Variants in CACNA1H observed in about 807,000 individuals in gnomAD.
The protein encoded by CACNA1H is voltage-dependent T-type calcium channel subunit alpha-1H.
Under a neutral mutation model 192.5 loss-of-function variants are expected in CACNA1H, and 149 were observed. The observed-to-expected ratio is 0.77, with a 90% CI of 0.68 to 0.89. The LOEUF is 0.89. CACNA1H is among the 40% of genes least tolerant of loss of function. The pLI, the probability that CACNA1H is intolerant of heterozygous loss-of-function variation, is 0.00. For synonymous variants in CACNA1H, 2,202 were observed against 1,475.2 expected (o/e 1.49, Z -11.29); for missense variants, 4,257 against 3,423.5 (o/e 1.24, Z -6.08).
chr16:1,204,216 G>T lies in CACNA1H; in HGVS notation c.2209G>T (p.Gly737Cys), dbSNP rs367610523. Residue 737 changes from glycine (G) to cysteine (C), a missense_variant, in exon 10 of 35, where the codon GGT (glycine) becomes TGT (cysteine). Coordinates refer to ENST00000348261, the MANE Select transcript of CACNA1H (RefSeq NM_021098.3). ...VYEFTQDVRH[G>C]DRWDPTRPPR... ...TGAATTCACGCAGGACGTCCGGCAC[G>T]GTGACCGCTGGGACCCCACGCGACC... The T allele has an allele frequency of 6.2e-7, 1 of 1,611,754 alleles. No individual in the cohort carries two copies. Among genetic ancestry groups the T allele is most frequent in the Non-Finnish European group, 8.5e-7 (1 of 1,179,412 alleles).
At chr16:1,213,480 TGAG>T (rs773033319) in intron 26 of CACNA1H, among the ~76,000 whole-genome samples, 4 of 152,040 alleles carry the variant, frequency 2.6e-5, no homozygotes, top group South Asian at 2.1e-4. Flanking sequence ...ACCGCGTTGC[TGAG>T]GAGGAGGTTA....
chr16:1,171,091 C>G (rs1964321643), intron 2 of CACNA1H, among the ~76,000 whole-genome samples: 1 of 152,184 alleles, frequency 6.6e-6, no homozygotes, highest in South Asian at 2.1e-4. Flanking sequence ...ACTCCACGGC[C>G]AGGCCTTTGT....
intron 2 of CACNA1H, among the ~76,000 whole-genome samples, chr16:1,191,300 T>G (rs62012322): frequency 0.14 from 7,268 of 51,072 alleles, 14 homozygotes; most frequent in Admixed American, 0.16. Flanking sequence ...GGGTCTCTCT[T>G]ACTCAGCAGG....
At position 1,198,596 on chromosome 16, in the gene CACNA1H, C is replaced by T. The variant is rs759883094; in HGVS notation, c.644-19C>T. 6.2e-6 allele frequency: 10 copies of T among 1,611,222 alleles called. No homozygotes were observed. In the African/African-American group the frequency reaches 6.7e-5, roughly 11 times the overall value. ...CCTGCAGGGCTTAGCAGTGCCAATC[C>T]TGGCCCTGCTGCCCACAGGCATGCG... On this transcript the variant is annotated intron_variant, in intron 5 of 34. Transcript: ENST00000348261.
Position 1,206,317 on chromosome 16 carries a change from C to T in CACNA1H, c.2789+28C>T, listed in dbSNP as rs1490920330. 3.9e-6 allele frequency: 6 copies of T among 1,544,114 alleles called. No individual in the cohort carries two copies. The African/African-American group carries it at 6.9e-5, about 18-fold the overall frequency. On this transcript the variant is annotated intron_variant, in intron 12 of 34. Transcript: ENST00000348261. ...GGGCGCAACCCCCCTCCCGGCCCGCCCAGTGTCTCACCCCAGGGCAGCTGG... is the reference window on the plus strand; with the variant it reads ...GGGCGCAACCCCCCTCCCGGCCCGCTCAGTGTCTCACCCCAGGGCAGCTGG...
At chr16:1,215,141 G>A (rs377763884) in intron 28 of CACNA1H, 60 bp downstream of exon 28, 43 of 1,582,982 alleles carry the variant, frequency 2.7e-5, no homozygotes, top group South Asian at 1.7e-4. Context: ...GGGGCTGGGG[G>A]CAGGTGAGGC....
At chr16:1,192,548 A>G (rs904538841) in intron 2 of CACNA1H, among the ~76,000 whole-genome samples, 3 of 152,228 alleles carry the variant, frequency 2.0e-5, no homozygotes, top group African/African-American at 7.2e-5. Flanking sequence ...CCTCAGTGCC[A>G]GGAAGGCCAT....
chr16:1,204,029 C>T lies in CACNA1H; in HGVS notation c.2022C>T (p.Gly674=), dbSNP rs770538647. ...CCGCAGGACTGGGCCAGGCCCCTGG[C>T]CATCTGTCGGGCCTCAGTGTGCCCT... ...VGEHGLGQAP[G]HLSGLSVPCP... is the part of the protein sequence containing the mutation. The change falls in exon 10 of 35, where the codon GGC becomes GGT. Residue 674 remains glycine, a synonymous_variant. Coordinates refer to ENST00000348261, the MANE Select transcript of CACNA1H (RefSeq NM_021098.3). 1.3e-5 allele frequency: 21 copies of T among 1,561,254 alleles called. No homozygotes were observed. Among genetic ancestry groups the T allele is most frequent in the Admixed American group, 7.5e-5 (4 of 53,622 alleles).
chr16:1,202,359 G>C lies in CACNA1H; in HGVS notation c.1909G>C (p.Ala637Pro), dbSNP rs377633990. 3.2e-6 allele frequency: 5 copies of C among 1,564,940 alleles called. No individual in the cohort carries two copies. In the African/African-American group the frequency reaches 6.8e-5, roughly 21 times the overall value. Residue 637 changes from alanine to proline, a missense_variant, in exon 9 of 35, where the codon GCC becomes CCC. Coordinates refer to ENST00000348261, the MANE Select transcript of CACNA1H (RefSeq NM_021098.3). Reference sequence around the variant, plus strand: ...CAGCCCCGGACCCAAGGGGAAGTGGGCCGGTGGACCGCCAGGCACCGGGGG... The same window carrying C: ...CAGCCCCGGACCCAAGGGGAAGTGGCCCGGTGGACCGCCAGGCACCGGGGG... ...STSPGPKGKW[A>P]GGPPGTGGHG...
chr16:1,203,560 G>T (rs1455618936), intron 9 of CACNA1H, among the ~76,000 whole-genome samples: 1 of 152,246 alleles, frequency 6.6e-6, no homozygotes, highest in African/African-American at 2.4e-5. Context: ...CTGTACCCAC[G>T]AACTAGTGGG....
chr16:1,161,494 G>A (rs1054689973), intron 2 of CACNA1H, among the ~76,000 whole-genome samples: 1 of 152,148 alleles, frequency 6.6e-6, no homozygotes, highest in Admixed American at 6.5e-5. Flanking sequence ...GTCTTTAGTA[G>A]CCCCAGATGT....
Position 1,213,049 on chromosome 16 carries a change from G to A in CACNA1H, c.4777+521G>A, listed in dbSNP as rs529557591. Among the ~76,000 whole-genome samples, 111 of 152,338 alleles carry A rather than the reference G, an allele frequency of 7.3e-4. 1 individual carries two copies. The highest frequency in any genetic ancestry group is 2.4e-3 in the African/African-American group (99 of 41,580). On this transcript the variant is annotated intron_variant, in intron 26 of 34. Coordinates refer to ENST00000348261, the MANE Select transcript of CACNA1H (RefSeq NM_021098.3). ...CCTTCACCCGCGGGAGCTCCTCCTC[G>A]TACGTGGAGGGGCCCTGGAGGCTGA... is the stretch of plus-strand genomic sequence containing the variant.
At chr16:1,205,480 C>G (rs1968580924) in intron 11 of CACNA1H, among the ~76,000 whole-genome samples, 2 of 152,180 alleles carry the variant, frequency 1.3e-5, no homozygotes, top group Admixed American at 1.3e-4. Flanking sequence ...CCTGCAGGCA[C>G]TACGGGGTGC....
chr16:1,195,060 T>A lies in CACNA1H; in HGVS notation c.388T>A (p.Ser130Thr). ...GCCCTGTGAGGACGTTGAGTGCGGC[T>A]CCGAGCGCTGCAACATCCTGGAGGT... The part of the protein sequence containing the change: ...FRPCEDVECG[S>T]ERCNILEAFD... Residue 130 changes from serine (S) to threonine (T), a missense_variant, in exon 3 of 35, where the codon TCC becomes ACC. Ser to Thr is a moderately conservative substitution (Grantham distance 58). Transcript: ENST00000348261. 1.2e-6 allele frequency: 2 copies of A among 1,606,562 alleles called. No homozygotes were observed. The highest frequency in any genetic ancestry group is 1.7e-6 in the Non-Finnish European group (2 of 1,176,028).
chr16:1,186,033 T>TAC (rs1214381980), intron 2 of CACNA1H, among the ~76,000 whole-genome samples: 1 of 79,240 alleles, frequency 1.3e-5, no homozygotes, highest in South Asian at 3.4e-4. Flanking sequence ...GGAGGCGGGG[T>TAC]GTGTACGGGG....
Position 1,201,393 on chromosome 16 carries a change from C to T in CACNA1H, c.1213-270C>T, listed in dbSNP as rs558937892. Among the ~76,000 whole-genome samples the T allele has an allele frequency of 5.3e-5, 8 of 152,238 alleles. No individual in the cohort carries two copies. The South Asian group carries it at 1.7e-3, about 32-fold the overall frequency. ...GAGGGTCATCTCAAGGCCAGATCTG[C>T]AGGTAAAGGAGGGGCCGAGCCACAT... On this transcript the variant is annotated intron_variant, in intron 8 of 34. Coordinates refer to ENST00000348261, the MANE Select transcript of CACNA1H (RefSeq NM_021098.3).
chr16:1,214,599 C>CATGTCCCT (rs371395456), intron 27 of CACNA1H, among the ~76,000 whole-genome samples: 2 of 152,174 alleles, frequency 1.3e-5, no homozygotes, highest in African/African-American at 4.8e-5. Flanking sequence ...CCCATGTCCC[C>CATGTCCCT]GAGGTGCTCA....
intron 33 of CACNA1H, 54 bp downstream of exon 33, chr16:1,218,705 AGATGGGGGCAGGTGGGAGGGAG>A: frequency 2.0e-6 from 2 of 992,476 alleles, no homozygotes; most frequent in South Asian, 3.1e-5. Flanking sequence ...ACAGGGAGGA[AGATGGGGGCAGGTGGGAGGGAG>A]GATGGGGTCA....
At chr16:1,195,782 C>G (rs1966892100) in intron 4 of CACNA1H, 144 bp from the exon 5 acceptor site, 3 of 862,012 alleles carry the variant, frequency 3.5e-6, no homozygotes, top group African/African-American at 3.3e-5. Flanking sequence ...CTCCTGCTAC[C>G]TCGGGGCCCT....
Sources: gnomAD v4.1 joint callset for allele counts (sites outside exome capture counted in the v4.1 genomes callset) on GRCh38, gnomAD v4.1.1 for gene constraint, MANE v1.5 for transcripts, NCBI Gene and HGNC (gene_info 2026-07-23, HGNC 2026-07-21) for gene names.